The following GPR158 variants were observed in gnomAD, a reference collection of about 807,000 sequenced individuals.
The protein encoded by GPR158 is metabotropic glycine receptor.
A neutral mutation model predicts 78.2 loss-of-function variants in GPR158; 30 were observed. The ratio of observed to expected loss-of-function variants is 0.38; its 90% confidence interval spans 0.29 to 0.52. The LOEUF is 0.52. Ranked by LOEUF, GPR158 falls within the 20% of genes least tolerant of loss-of-function variation. GPR158 has a pLI of 0.83. For missense variants in GPR158, 1,463 were observed against 1,523.5 expected, an observed-to-expected ratio of 0.96 and a Z score of 0.66; for synonymous variants, 581 against 591.1, an observed-to-expected ratio of 0.98 and a Z score of 0.25.
At chr10:25,183,979 G>A (rs889184738) in intron 1 of GPR158, among the ~76,000 whole-genome samples, 4 of 152,006 alleles carry the variant, frequency 2.6e-5, no homozygotes, top group Non-Finnish European at 4.4e-5. Flanking sequence ...ATATTCAGTC[G>A]GCATTTCTTT....
intron 1 of GPR158, among the ~76,000 whole-genome samples, chr10:25,202,613 C>G (rs563406939): frequency 3.3e-4 from 50 of 152,284 alleles, no homozygotes; most frequent in African/African-American, 1.2e-3. Context: ...CATAGTATTT[C>G]CTGGTGTATA....
rs1455436053 is a variant in GPR158, at chr10:25,474,914, ACTTTC to A, written c.1404+8196_1404+8200del. Among the ~76,000 whole-genome samples the A allele has an allele frequency of 2.6e-3, 392 of 152,244 alleles. 2 individuals are homozygous for A. Among genetic ancestry groups the A allele is most frequent in the African/African-American group, 9.0e-3 (375 of 41,552 alleles). On this transcript the variant is annotated intron_variant, in intron 5 of 10. Transcript: ENST00000376351. ...GCATCTGCAGTTAGGCAATAAAAAC[ACTTTC>A]TCATGTTATTTTTGGGACTTAGCAG...
intron 2 of GPR158, among the ~76,000 whole-genome samples, chr10:25,343,055 A>T (rs1416291240): frequency 2.6e-5 from 4 of 151,984 alleles, no homozygotes; most frequent in Non-Finnish European, 5.9e-5. Flanking sequence ...GAGACTGATT[A>T]GATTATGAGC....
chr10:25,383,004 T>A (rs947519945), intron 2 of GPR158, among the ~76,000 whole-genome samples: 2 of 151,812 alleles, frequency 1.3e-5, no homozygotes, highest in Non-Finnish European at 1.5e-5. Context: ...CCCGGCTTAT[T>A]TTTGGTATTT....
chr10:25,394,392 C>T (rs1824578659), intron 2 of GPR158, among the ~76,000 whole-genome samples: 2 of 152,226 alleles, frequency 1.3e-5, no homozygotes, highest in African/African-American at 4.8e-5. Flanking sequence ...TTCCATAATA[C>T]TAGTGCTTCT....
chr10:25,404,210 C>A (rs887005363), intron 3 of GPR158, among the ~76,000 whole-genome samples: 1 of 152,026 alleles, frequency 6.6e-6, no homozygotes, highest in Non-Finnish European at 1.5e-5. Context: ...GCTTTTTGAG[C>A]TTTAGAAATC....
At chr10:25,406,501 A>G (rs1404493574) in intron 3 of GPR158, among the ~76,000 whole-genome samples, 3 of 152,180 alleles carry the variant, frequency 2.0e-5, no homozygotes, top group Non-Finnish European at 2.9e-5. Context: ...ATTTCAGTTT[A>G]AAAGAGTTTA....
chr10:25,308,635 C>A (rs1018326035), intron 2 of GPR158, among the ~76,000 whole-genome samples: 1 of 152,142 alleles, frequency 6.6e-6, no homozygotes, highest in African/African-American at 2.4e-5. Context: ...TTTCATGCAA[C>A]AATCACCACT....
At chr10:25,465,188 A>T (rs16925914) in intron 4 of GPR158, among the ~76,000 whole-genome samples, 8,504 of 152,184 alleles carry the variant, frequency 0.056, 302 homozygotes, top group Admixed American at 0.12. Flanking sequence ...GCCTTTCAGA[A>T]TTTTTTTATT....
intron 2 of GPR158, among the ~76,000 whole-genome samples, chr10:25,366,718 C>T (rs1855729615): frequency 6.6e-6 from 1 of 151,650 alleles, no homozygotes; most frequent in African/African-American, 2.4e-5. Flanking sequence ...AGAATCTCTC[C>T]AATTCACCCT....
chr10:25,294,665 T>C (rs1854486611), intron 2 of GPR158, among the ~76,000 whole-genome samples: 1 of 152,210 alleles, frequency 6.6e-6, no homozygotes, highest in Admixed American at 6.5e-5. Context: ...ATGTAATCAT[T>C]TCTGTCTGGT....
intron 2 of GPR158, among the ~76,000 whole-genome samples, chr10:25,307,613 A>C (rs1854699322): frequency 6.6e-6 from 1 of 151,906 alleles, no homozygotes; most frequent in Non-Finnish European, 1.5e-5. Context: ...GGGCTCAAGC[A>C]ATCTTCCTGC....
At chr10:25,272,311 G>T (rs1854127467) in intron 2 of GPR158, among the ~76,000 whole-genome samples, 2 of 151,986 alleles carry the variant, frequency 1.3e-5, no homozygotes, top group South Asian at 4.2e-4. Context: ...TGATTCTCTT[G>T]TCTCACATTT....
chr10:25,548,947 G>A (rs188359797), intron 5 of GPR158, among the ~76,000 whole-genome samples: 19 of 152,008 alleles, frequency 1.2e-4, no homozygotes, highest in South Asian at 6.2e-4. Flanking sequence ...AGTAGTTCCC[G>A]GACAGCTCAA....
intron 5 of GPR158, among the ~76,000 whole-genome samples, chr10:25,531,768 T>C (rs1367007740): frequency 6.6e-6 from 1 of 152,200 alleles, no homozygotes; most frequent in Non-Finnish European, 1.5e-5. Flanking sequence ...ACCACTTTAG[T>C]TGTCAGTGCT....
intron 3 of GPR158, among the ~76,000 whole-genome samples, chr10:25,411,312 T>C (rs939903618): frequency 6.6e-6 from 1 of 152,180 alleles, no homozygotes; most frequent in Non-Finnish European, 1.5e-5. Context: ...AATTACATGA[T>C]AGCTTGTAAG....
intron 4 of GPR158, among the ~76,000 whole-genome samples, chr10:25,418,104 G>C (rs1363144405): frequency 6.6e-6 from 1 of 152,140 alleles, no homozygotes; most frequent in East Asian, 1.9e-4. Flanking sequence ...AATATGTGTA[G>C]GGGTAATAGA....
chr10:25,184,611 C>A (rs1329818493), intron 1 of GPR158, among the ~76,000 whole-genome samples: 1 of 152,212 alleles, frequency 6.6e-6, no homozygotes, highest in African/African-American at 2.4e-5. Context: ...TAGGTAAAGT[C>A]AGAATTATCC....
chr10:25,433,547 T>TTGTGTGTG lies in GPR158; in HGVS notation c.1335+21091_1335+21098dup, dbSNP rs1554803583. On this transcript the variant is annotated intron_variant, in intron 4 of 10. Transcript: ENST00000376351. ...TTAGTTAGGGGTGTGTGTGTGTGTG[T>TTGTGTGTG]TGTGTGTGTGTGTGTGTGTGTGTGC... Among the ~76,000 whole-genome samples, 736 of 96,462 alleles carry TTGTGTGTG rather than the reference T, an allele frequency of 7.6e-3. 15 individuals are homozygous for TTGTGTGTG. The highest frequency in any genetic ancestry group is 0.019 in the African/African-American group (681 of 35,632). The allele number at this position is 96,462 out of a possible 152,430, so 63.3% of individuals were successfully genotyped here.
Sources: gnomAD v4.1 joint callset for allele counts (sites outside exome capture counted in the v4.1 genomes callset) on GRCh38, gnomAD v4.1.1 for gene constraint, MANE v1.5 for transcripts, NCBI Gene and HGNC (gene_info 2026-07-23, HGNC 2026-07-21) for gene names.